The following ADGRL2 variants were observed in gnomAD, a reference collection of about 807,000 sequenced individuals.
ADGRL2 encodes calcium-independent alpha-latrotoxin receptor 2.
ADGRL2 carries 44 observed loss-of-function variants against 157.4 expected under a neutral mutation model. The observed-to-expected ratio is 0.28, with a 90% confidence interval of 0.22 to 0.36. The LOEUF is 0.36. Among genes scored for constraint, ADGRL2 ranks in the 10% least tolerant of loss-of-function variants. The pLI is 1.00. For missense variants in ADGRL2, 1,510 were observed against 1,768.9 expected (o/e 0.85, Z 2.63); for synonymous variants, 585 against 624.7 (o/e 0.94, Z 0.95).
At chr1:81,951,582 A>G (rs988378829) in intron 8 of ADGRL2, among the ~76,000 whole-genome samples, 7 of 152,178 alleles carry the variant, frequency 4.6e-5, no homozygotes, top group Admixed American at 1.3e-4. Context: ...ATGACGAATA[A>G]ACATCAGATA....
At chr1:81,500,071 G>A (rs111418536) in intron 2 of ADGRL2, among the ~76,000 whole-genome samples, 11 of 152,244 alleles carry the variant, frequency 7.2e-5, no homozygotes, top group African/African-American at 2.6e-4. Context: ...AGTTTTGTAT[G>A]GAATGCAAAG....
intron 3 of ADGRL2, among the ~76,000 whole-genome samples, chr1:81,677,335 T>C (rs1184077726): frequency 6.6e-6 from 1 of 152,190 alleles, no homozygotes; most frequent in Non-Finnish European, 1.5e-5. Flanking sequence ...CCCAACTCCT[T>C]GTGATCTAGT....
intron 3 of ADGRL2, among the ~76,000 whole-genome samples, chr1:81,622,575 C>T (rs903619740): frequency 2.0e-5 from 3 of 151,672 alleles, no homozygotes; most frequent in African/African-American, 2.4e-5. Context: ...AGTGAGACCC[C>T]GTCTCAAAAC....
chr1:81,596,517 C>G, intron 3 of ADGRL2: 1 of 392,970 alleles, frequency 2.5e-6, no homozygotes, highest in Non-Finnish European at 4.9e-6. Context: ...GGCTGCTGCG[C>G]GGCTCCCTGA....
intron 1 of ADGRL2, among the ~76,000 whole-genome samples, chr1:81,740,191 G>A (rs984698571): frequency 6.6e-6 from 1 of 152,082 alleles, no homozygotes; most frequent in Non-Finnish European, 1.5e-5. Context: ...TTGTGCATGC[G>A]TTTTCATTCC....
chr1:81,552,956 C>A (rs977780702), intron 2 of ADGRL2, among the ~76,000 whole-genome samples: 2 of 152,164 alleles, frequency 1.3e-5, no homozygotes, highest in Non-Finnish European at 2.9e-5. Flanking sequence ...CAAAGACTTA[C>A]ATTTCAATTG....
intron 2 of ADGRL2, among the ~76,000 whole-genome samples, chr1:81,554,205 T>TA (rs1324837029): frequency 6.6e-6 from 1 of 152,200 alleles, no homozygotes; most frequent in Non-Finnish European, 1.5e-5. Context: ...AGGAGACACT[T>TA]ACTTTTCAGC....
chr1:81,712,755 A>ATTTTTTT (rs60265943), intron 1 of ADGRL2, among the ~76,000 whole-genome samples: 1 of 100,250 alleles, frequency 1.0e-5, no homozygotes, highest in Non-Finnish European at 1.9e-5. Context: ...TGGATCGCGG[A>ATTTTTTT]TTTTTTTTTT....
chr1:81,464,519 G>A (rs2078011880), intron 2 of ADGRL2, among the ~76,000 whole-genome samples: 1 of 152,116 alleles, frequency 6.6e-6, no homozygotes, highest in South Asian at 2.1e-4. Context: ...AAATGAAACT[G>A]ATTTCAAGTC....
intron 1 of ADGRL2, among the ~76,000 whole-genome samples, chr1:81,411,879 T>TAAAA (rs35681432): frequency 4.6e-5 from 6 of 131,748 alleles, no homozygotes; most frequent in Non-Finnish European, 9.9e-5. Flanking sequence ...GACTCCGTCT[T>TAAAA]AAAAAAAAAA....
chr1:81,914,781 C>T (rs2094816254), intron 3 of ADGRL2, among the ~76,000 whole-genome samples: 1 of 152,154 alleles, frequency 6.6e-6, no homozygotes, highest in African/African-American at 2.4e-5. Context: ...TGTGGCCAGT[C>T]TACTAATATA....
In ADGRL2 at chr1:81,993,103, T is replaced by TA. The variant is rs1664901246; in HGVS notation, c.*1958_*1959insA. 1.1e-5 allele frequency among the ~76,000 whole-genome samples: 1 copy of TA among 94,890 alleles called. No individual in the cohort carries two copies. Among genetic ancestry groups the TA allele is most frequent in the African/African-American group, 4.4e-5 (1 of 22,578 alleles). The allele number at this position is 94,890 out of a possible 152,430, so 62.3% of individuals were successfully genotyped here. A position where few individuals can be genotyped will look rare whatever the true frequency, so the allele number is the denominator to read the frequency against. On this transcript the variant is annotated 3_prime_UTR_variant, in exon 24 of 24. Coordinates refer to ENST00000686636, the MANE Select transcript of ADGRL2 (RefSeq NM_001366006.2). ...TATATATATATTTTTTTTTTTTTTT[T>TA]TTTTTTTTTTTTTTTTGGGACAGAG... is the stretch of plus-strand genomic sequence containing the variant.
chr1:81,983,459 G>T (rs975363506), intron 19 of ADGRL2, among the ~76,000 whole-genome samples: 1 of 151,884 alleles, frequency 6.6e-6, no homozygotes, highest in African/African-American at 2.4e-5. Context: ...AAATGTAAGT[G>T]CGCTTAGATT....
chr1:81,407,230 G>C (rs1388405209), intron 1 of ADGRL2, among the ~76,000 whole-genome samples: 1 of 152,166 alleles, frequency 6.6e-6, no homozygotes, highest in Non-Finnish European at 1.5e-5. Context: ...ATTTCAGCAA[G>C]GATCTGGTTT....
At chr1:81,957,927 A>T (rs1654099949) in intron 11 of ADGRL2, among the ~76,000 whole-genome samples, 1 of 151,926 alleles carries the variant, frequency 6.6e-6, no homozygotes, top group Admixed American at 6.6e-5. Flanking sequence ...GCACTTTGGG[A>T]GGCCGAGGCA....
chr1:81,734,823 C>T (rs997015088), intron 1 of ADGRL2, among the ~76,000 whole-genome samples: 5 of 148,362 alleles, frequency 3.4e-5, no homozygotes, highest in Non-Finnish European at 7.5e-5. Context: ...CACCTGAGGT[C>T]GGGAGTTCAA....
chr1:81,366,053 C>A (rs908991031), intron 1 of ADGRL2, among the ~76,000 whole-genome samples: 1 of 152,090 alleles, frequency 6.6e-6, no homozygotes, highest in East Asian at 1.9e-4. Context: ...AGGGAGACAA[C>A]ATTAGGGATA....
chr1:81,902,688 C>A (rs2094509488), intron 2 of ADGRL2, among the ~76,000 whole-genome samples: 1 of 152,148 alleles, frequency 6.6e-6, no homozygotes, highest in Non-Finnish European at 1.5e-5. Context: ...TGTCAGAATT[C>A]CAATGAAAGG....
At chr1:81,726,721 T>C (rs2084542940) in intron 1 of ADGRL2, among the ~76,000 whole-genome samples, 1 of 152,208 alleles carries the variant, frequency 6.6e-6, no homozygotes. Context: ...AACACTTTTT[T>C]GACTGATAGT....
Sources: gnomAD v4.1 joint callset for allele counts (sites outside exome capture counted in the v4.1 genomes callset) on GRCh38, gnomAD v4.1.1 for gene constraint, MANE v1.5 for transcripts, NCBI Gene and HGNC (gene_info 2026-07-23, HGNC 2026-07-21) for gene names.